Variants in BTG4 observed in about 807,000 individuals in gnomAD.
The protein encoded by BTG4 is BTG anti-proliferation factor 4.
Under a neutral mutation model 19.3 loss-of-function variants are expected in BTG4, and 10 were observed. The observed-to-expected ratio is 0.52, with a 90% CI of 0.32 to 0.88. The LOEUF (loss-of-function observed/expected upper bound fraction) is 0.88. Ranked by LOEUF, BTG4 falls within the 40% of genes least tolerant of loss-of-function variation. The pLI is 0.04. For missense variants in BTG4, 238 were observed against 281.9 expected, an observed-to-expected ratio of 0.84 and a Z score of 1.11; for synonymous variants, 91 against 95.7, an observed-to-expected ratio of 0.95 and a Z score of 0.29.
chr11:111,500,752 TCCCTC>T lies in BTG4; in HGVS notation c.-26-1955_-26-1951del, dbSNP rs531049355. ...TAAAGACTAGCATGGGACTGTTGCT[TCCCTC>T]CCTCTGAATACTGTATTCCAGAACA... On this transcript the variant is annotated intron_variant, in intron 1 of 4. Coordinates refer to ENST00000692032, the MANE Select transcript of BTG4 (RefSeq NM_001367975.1). 2.6e-3 allele frequency among the ~76,000 whole-genome samples: 393 copies of T among 152,144 alleles called. 3 individuals carry two copies. The highest frequency in any genetic ancestry group is 9.1e-3 in the African/African-American group (378 of 41,516).
At chr11:111,485,956 G>A (rs1198759076) in intron 5 of BTG4, among the ~76,000 whole-genome samples, 1 of 152,068 alleles carries the variant, frequency 6.6e-6, no homozygotes, top group East Asian at 1.9e-4. Context: ...TGATACCACA[G>A]GACAACTATG....
intron 5 of BTG4, among the ~76,000 whole-genome samples, chr11:111,468,167 TG>T (rs954920796): frequency 3.9e-5 from 6 of 152,158 alleles, no homozygotes; most frequent in African/African-American, 1.4e-4. Context: ...AGTAGGTTGT[TG>T]GGGGGTTTAA....
the BTG4 span, among the ~76,000 whole-genome samples, chr11:111,407,429 G>A: frequency 7.9e-5 from 12 of 152,190 alleles, no homozygotes; most frequent in African/African-American, 2.9e-4. Flanking sequence ...CCAGCACTTT[G>A]GGAGGCCAAG....
chr11:111,499,631 CT>C (rs1260648599), intron 1 of BTG4, among the ~76,000 whole-genome samples: 1 of 152,186 alleles, frequency 6.6e-6, no homozygotes, highest in Non-Finnish European at 1.5e-5. Context: ...GATGTCATCT[CT>C]AACTTAGCTG....
At chr11:111,458,299 TCCTAGGC>T in the BTG4 span, 52,860 of 151,940 alleles carry the variant, frequency 0.35, 9,351 homozygotes, top group Admixed American at 0.46. Flanking sequence ...GCTTTGATGC[TCCTAGGC>T]CCATAAGCTC....
the BTG4 span, among the ~76,000 whole-genome samples, chr11:111,404,280 C>G: frequency 2.6e-5 from 4 of 152,168 alleles, no homozygotes; most frequent in Non-Finnish European, 5.9e-5. Context: ...ATTGCCCAGC[C>G]TCGGGTATGT....
chr11:111,398,786 TG>T, the BTG4 span, among the ~76,000 whole-genome samples: 1 of 151,986 alleles, frequency 6.6e-6, no homozygotes, highest in Non-Finnish European at 1.5e-5. Flanking sequence ...GTTTTGTTTT[TG>T]TTTTTTTTTT....
downstream of BTG4, among the ~76,000 whole-genome samples, chr11:111,493,053 C>T (rs149617182): frequency 2.2e-4 from 33 of 152,082 alleles, no homozygotes; most frequent in East Asian, 4.7e-3. Flanking sequence ...GGCTGAGGCA[C>T]GAGAATCACT....
chr11:111,487,306 G>A (rs1326901910), intron 5 of BTG4, among the ~76,000 whole-genome samples: 1 of 152,076 alleles, frequency 6.6e-6, no homozygotes, highest in Non-Finnish European at 1.5e-5. Flanking sequence ...CTTTATAATA[G>A]AATGATTTAT....
At position 111,498,687 on chromosome 11, in the gene BTG4, A is replaced by G. The variant is rs769836551; in HGVS notation, c.90T>C (p.Phe30=). 5.0e-6 allele frequency: 8 copies of G among 1,613,888 alleles called. No individual in the cohort carries two copies. The South Asian group carries it at 8.8e-5, about 18-fold the overall frequency. The change falls in exon 2 of 5, where the codon TTT becomes TTC. Residue 30 remains phenylalanine (F), a synonymous_variant. Coordinates refer to ENST00000692032, the MANE Select transcript of BTG4 (RefSeq NM_001367975.1). ...DKLSKQQIED[F]AEKLMTILFE... ...ACAAGATCGTCATCAGCTTTTCTGC[A>G]AAGTCTTCTATTTGCTGTTTACTTA...
At chr11:111,404,672 T>C in the BTG4 span, 1 of 456,262 alleles carries the variant, frequency 2.2e-6, no homozygotes, top group Non-Finnish European at 4.4e-6. Flanking sequence ...TCTCAGTGAA[T>C]ATGGCAGGAG....
the BTG4 span, chr11:111,457,202 AC>A: frequency 6.6e-6 from 1 of 152,424 alleles, no homozygotes; most frequent in African/African-American, 2.4e-5. Flanking sequence ...CTCATGACAG[AC>A]CCCGTCACAG....
At chr11:111,485,149 A>G (rs1285404044) in intron 5 of BTG4, among the ~76,000 whole-genome samples, 1 of 152,158 alleles carries the variant, frequency 6.6e-6, no homozygotes. Context: ...GATGGACCTC[A>G]ATACAATATC....
At chr11:111,444,201 G>GTA in the BTG4 span, among the ~76,000 whole-genome samples, 50,042 of 150,016 alleles carry the variant, frequency 0.33, 8,678 homozygotes, top group South Asian at 0.52. Flanking sequence ...GTGTGTGTGT[G>GTA]TGTGTGTGTA....
the BTG4 span, among the ~76,000 whole-genome samples, chr11:111,394,469 T>C: frequency 6.6e-6 from 1 of 152,224 alleles, no homozygotes; most frequent in African/African-American, 2.4e-5. Flanking sequence ...TCATTCTCTC[T>C]TGTCTGCCGT....
intron 1 of BTG4, chr11:111,508,016 T>C (rs1027051052): frequency 6.6e-6 from 1 of 152,226 alleles, no homozygotes; most frequent in Admixed American, 6.5e-5. Context: ...TATTCTTCCA[T>C]GACCTAAAAC....
At chr11:111,508,028 A>G (rs1866583073) in intron 1 of BTG4, 1 of 152,238 alleles carries the variant, frequency 6.6e-6, no homozygotes. Context: ...ACCTAAAACT[A>G]AACATGCCTA....
intron 5 of BTG4, among the ~76,000 whole-genome samples, chr11:111,481,519 C>T (rs538958806): frequency 6.6e-6 from 1 of 151,270 alleles, no homozygotes; most frequent in Non-Finnish European, 1.5e-5. Context: ...AAAGATAGTA[C>T]AAAAAATTAG....
chr11:111,437,778 T>A, the BTG4 span, among the ~76,000 whole-genome samples: 1 of 152,198 alleles, frequency 6.6e-6, no homozygotes, highest in Non-Finnish European at 1.5e-5. Context: ...GTCTCTTACT[T>A]GCTTCTGCTA....
Sources: gnomAD v4.1 joint callset for allele counts (sites outside exome capture counted in the v4.1 genomes callset) on GRCh38, gnomAD v4.1.1 for gene constraint, MANE v1.5 for transcripts, NCBI Gene and HGNC (gene_info 2026-07-23, HGNC 2026-07-21) for gene names.